Variants in ARAP2 observed in about 807,000 individuals in gnomAD.
ARAP2 encodes ArfGAP with RhoGAP domain, ankyrin repeat and PH domain 2.
In ARAP2, 148 loss-of-function variants were observed where a neutral mutation model predicts 194.5. The observed-to-expected ratio is 0.76, with a 90% confidence interval of 0.67 to 0.87. The LOEUF (loss-of-function observed/expected upper bound fraction) is 0.87. Among genes scored for constraint, ARAP2 ranks in the 40% least tolerant of loss-of-function variants. The probability of loss-of-function intolerance (pLI) is 0.00; values close to 1 mark genes in which losing one functional copy is unlikely to be tolerated. For missense variants in ARAP2, 2,128 were observed against 1,989.7 expected, an observed-to-expected ratio of 1.07 and a Z score of -1.32; for synonymous variants, 695 against 683.5, an observed-to-expected ratio of 1.02 and a Z score of -0.26.
chr4:36,161,802 A>C (rs1424783832), intron 11 of ARAP2, among the ~76,000 whole-genome samples: 1 of 76,076 alleles, frequency 1.3e-5, no homozygotes, highest in Non-Finnish European at 3.7e-5. Flanking sequence ...ACAAAAAAAA[A>C]AAAAAAAAAA....
Position 36,239,839 on chromosome 4 carries a change from T to C in ARAP2, c.-160+4340A>G, listed in dbSNP as rs1051461726. On this transcript the variant is annotated intron_variant, in intron 1 of 32. Transcript: ENST00000303965. The stretch of plus-strand genomic sequence containing the variant: ...ATTTGGGCCAGTCTCTCAGCTCTTA[T>C]TCAAATGGAACTCCCTGTACATACC... Among the ~76,000 whole-genome samples the C allele has an allele frequency of 2.6e-5, 4 of 152,224 alleles. No individual in the cohort carries two copies. The East Asian group carries it at 5.8e-4, about 22-fold the overall frequency.
intron 1 of ARAP2, among the ~76,000 whole-genome samples, chr4:36,235,459 GTC>G (rs1299692678): frequency 2.0e-5 from 3 of 152,146 alleles, no homozygotes; most frequent in Non-Finnish European, 2.9e-5. Flanking sequence ...ACTTTGGTAT[GTC>G]TCTGCTCAAA....
At chr4:36,011,181 T>C (rs533436913) in intron 9 of ARAP2, among the ~76,000 whole-genome samples, 1 of 152,252 alleles carries the variant, frequency 6.6e-6, no homozygotes, top group Admixed American at 6.5e-5. Context: ...ATAACCCTAC[T>C]CTTTTATTCT....
At chr4:36,078,826 T>A (rs1164278057) in intron 31 of ARAP2, among the ~76,000 whole-genome samples, 1 of 152,176 alleles carries the variant, frequency 6.6e-6, no homozygotes, top group Non-Finnish European at 1.5e-5. Flanking sequence ...TTAGACTCTA[T>A]AGTCCCAACT....
At chr4:36,092,187 T>C (rs1030860029) in intron 27 of ARAP2, among the ~76,000 whole-genome samples, 167 bp from the exon 28 acceptor site, 10 of 152,312 alleles carry the variant, frequency 6.6e-5, no homozygotes, top group African/African-American at 2.2e-4. Flanking sequence ...TATAGCTATT[T>C]ATCATGTATG....
At chr4:36,219,017 T>C (rs1275933279) in intron 2 of ARAP2, among the ~76,000 whole-genome samples, 1 of 152,112 alleles carries the variant, frequency 6.6e-6, no homozygotes, top group Non-Finnish European at 1.5e-5. Flanking sequence ...GAAATGCAAA[T>C]GTAAACCACA....
chr4:36,105,517 T>C (rs745466347), intron 27 of ARAP2, among the ~76,000 whole-genome samples: 15 of 151,948 alleles, frequency 9.9e-5, no homozygotes, highest in Non-Finnish European at 2.2e-4. Flanking sequence ...CATAACTCCA[T>C]CTAGAAGATG....
chr4:36,226,179 T>C (rs1263864513), intron 2 of ARAP2, among the ~76,000 whole-genome samples: 1 of 151,844 alleles, frequency 6.6e-6, no homozygotes, highest in Non-Finnish European at 1.5e-5. Context: ...TGCTATGATA[T>C]AGCTAGTACT....
intron 15 of ARAP2, among the ~76,000 whole-genome samples, chr4:36,154,820 AG>A (rs1476162262): frequency 1.3e-5 from 2 of 152,234 alleles, no homozygotes; most frequent in East Asian, 3.8e-4. Context: ...GGTAGCATCC[AG>A]GTGCTTGCTT....
intron 3 of ARAP2, among the ~76,000 whole-genome samples, chr4:36,048,417 T>C (rs759851167): frequency 3.9e-5 from 6 of 152,274 alleles, no homozygotes; most frequent in Middle Eastern, 3.4e-3. Context: ...TCTTTATGTC[T>C]ATGAGTACCA....
intron 32 of ARAP2, 114 bp downstream of exon 32, chr4:36,073,551 TGTGATTATTACCATGCTTTACAAA>T (rs1359079322): frequency 1.0e-6 from 1 of 988,890 alleles, no homozygotes; most frequent in East Asian, 2.6e-5. Context: ...TCTTGCTGTA[TGTGATTATTACCATGCTTTACAAA>T]GTGATTATTA....
chr4:36,196,401 G>A (rs11732093), intron 6 of ARAP2, among the ~76,000 whole-genome samples: 45,570 of 152,002 alleles, frequency 0.3, 8,248 homozygotes, highest in East Asian at 0.51. Context: ...CCTCTCAGGC[G>A]CTCATAATGC....
intron 2 of ARAP2, among the ~76,000 whole-genome samples, chr4:36,226,870 T>C (rs530405602): frequency 5.3e-5 from 8 of 152,316 alleles, no homozygotes; most frequent in South Asian, 2.1e-4. Context: ...GATTCAGTCC[T>C]GGCAAAGATG....
rs541238609 is a variant in ARAP2, at chr4:36,014,246, A to G, written n.1056+1140T>C. Among the ~76,000 whole-genome samples, 36 of 136,668 alleles carry G rather than the reference A, an allele frequency of 2.6e-4. 2 individuals are homozygous for G. Among genetic ancestry groups the G allele is most frequent in the African/African-American group, 9.9e-4 (34 of 34,414 alleles). The allele number at this position is 136,668 out of a possible 152,430, so 89.7% of individuals were successfully genotyped here. A position where few individuals can be genotyped will look rare whatever the true frequency, so the allele number is the denominator to read the frequency against. ...TATCGAAAGAAAGAAAGAAAGAAAGAAAGAAAGAAAGAAAGAAAGAAAGAA... is the reference window on the plus strand; with the variant it reads ...TATCGAAAGAAAGAAAGAAAGAAAGGAAGAAAGAAAGAAAGAAAGAAAGAA... On this transcript the variant is annotated intron_variant and non_coding_transcript_variant, in intron 8 of 12. Coordinates refer to the ARAP2 transcript ENST00000503225.
At chr4:36,157,611 C>G (rs1238208397) in intron 15 of ARAP2, 1 of 152,180 alleles carries the variant, frequency 6.6e-6, no homozygotes, top group Admixed American at 6.5e-5. Flanking sequence ...CTTCACTATT[C>G]AGGTGAAAAC....
rs773555750 is a variant in ARAP2 at position 36,160,471 on chromosome 4, T to G, written c.2430A>C (p.Glu810Asp). The change falls in exon 13 of 33, where the codon GAA (glutamate) becomes GAC (aspartate). Residue 810 changes from glutamate (E) to aspartate (D), a missense_variant. By Grantham distance (45) the Glu-to-Asp change is conservative (BLOSUM62 2). Transcript: ENST00000303965. ...TTTAATTGAATACCTTATTTAATTC[T>G]TCTTTGGTGAGAGATGCCAAAAGAG... is the stretch of plus-strand genomic sequence containing the variant. ...RKTLLASLTK[E>D]ELNKALCAAV... is the part of the protein sequence containing the mutation. 6.4e-6 allele frequency: 10 copies of G among 1,553,870 alleles called. No homozygotes were observed. In the Admixed American group the frequency reaches 8.5e-5, roughly 13 times the overall value.
intron 9 of ARAP2, among the ~76,000 whole-genome samples, chr4:36,170,550 G>T (rs932240997): frequency 6.6e-6 from 1 of 152,204 alleles, no homozygotes; most frequent in Non-Finnish European, 1.5e-5. Flanking sequence ...GCCAGAACAG[G>T]ATGACACATT....
rs1329007794 is a variant in ARAP2 at position 36,092,001 on chromosome 4, G to A, written c.4305C>T (p.Ser1435=). ...KHCSDRSTLG[S]IKEGILKIKE... The stretch of plus-strand genomic sequence containing the variant: ...TGATTTTCAAGATTCCTTCTTTGAT[G>A]CTTCCCAGTGTACTCCGGTCTGTAA... The change falls in exon 28 of 33, where the codon AGC becomes AGT. Residue 1435 remains serine, a synonymous_variant. Transcript: ENST00000303965. 1.2e-6 allele frequency: 2 copies of A among 1,601,572 alleles called. No individual in the cohort carries two copies. The highest frequency in any genetic ancestry group is 1.7e-6 in the Non-Finnish European group (2 of 1,170,814).
chr4:36,093,237 G>T (rs766593829), intron 27 of ARAP2, among the ~76,000 whole-genome samples: 20 of 151,990 alleles, frequency 1.3e-4, no homozygotes, highest in East Asian at 5.8e-4. Flanking sequence ...AGAGAATCAG[G>T]AAAAGTAACT....
Sources: allele counts gnomAD v4.1 joint callset (sites outside exome capture counted in the v4.1 genomes callset), GRCh38; gene constraint gnomAD v4.1.1; transcripts MANE v1.5; gene names NCBI Gene and HGNC (gene_info 2026-07-23, HGNC 2026-07-21).